SH3BGRL2: variants seen among roughly 807,000 people sequenced by gnomAD.
The protein encoded by SH3BGRL2 is SH3 domain-binding glutamic acid-rich-like protein 2.
In SH3BGRL2, 21 loss-of-function variants were observed where a neutral mutation model predicts 14.8. The ratio of observed to expected loss-of-function variants is 1.42; its 90% CI spans 1.01 to 2.05. The LOEUF (loss-of-function observed/expected upper bound fraction) is 2.05, where lower values mean the gene tolerates loss of function less well. Ranked by LOEUF, SH3BGRL2 falls within the 30% of genes most tolerant of loss-of-function variation. The pLI, the probability that SH3BGRL2 is intolerant of heterozygous loss-of-function variation, is 0.00. For missense variants in SH3BGRL2, 147 were observed against 130.8 expected, an observed-to-expected ratio of 1.12 and a Z score of -0.61; for synonymous variants, 50 against 47.8, an observed-to-expected ratio of 1.05 and a Z score of -0.19.
chr6:79,650,143 C>G (rs1185161785), intron 1 of SH3BGRL2, among the ~76,000 whole-genome samples: 2 of 152,046 alleles, frequency 1.3e-5, no homozygotes, highest in African/African-American at 4.8e-5. Flanking sequence ...AGGCACACTC[C>G]AAGTTGGACA....
At chr6:79,604,287 C>T in the SH3BGRL2 span, among the ~76,000 whole-genome samples, 1 of 152,226 alleles carries the variant, frequency 6.6e-6, no homozygotes, top group Non-Finnish European at 1.5e-5. Context: ...TTTCCCTATT[C>T]CAGTTAAAAT....
At chr6:79,691,160 A>C (rs528475715) in intron 2 of SH3BGRL2, among the ~76,000 whole-genome samples, 2 of 152,048 alleles carry the variant, frequency 1.3e-5, no homozygotes, top group Non-Finnish European at 2.9e-5. Context: ...TCTCAACAAC[A>C]ACAAAAAAGA....
chr6:79,602,441 C>T, the SH3BGRL2 span, among the ~76,000 whole-genome samples: 1 of 152,098 alleles, frequency 6.6e-6, no homozygotes, highest in African/African-American at 2.4e-5. Context: ...AGTATTCCTA[C>T]GAAAGATCTG....
intron 2 of SH3BGRL2, 108 bp downstream of exon 2, chr6:79,673,907 T>A (rs1769829382): frequency 1.8e-6 from 2 of 1,125,918 alleles, no homozygotes; most frequent in African/African-American, 1.6e-5. Flanking sequence ...CTTCACCCAA[T>A]GCCCATTCAG....
chr6:79,649,583 A>T (rs957809032), intron 1 of SH3BGRL2, among the ~76,000 whole-genome samples: 10 of 151,926 alleles, frequency 6.6e-5, no homozygotes, highest in Non-Finnish European at 1.2e-4. Context: ...TCATTATAAT[A>T]CTTACAGACT....
the SH3BGRL2 span, among the ~76,000 whole-genome samples, chr6:79,554,085 C>T: frequency 6.6e-6 from 1 of 152,026 alleles, no homozygotes; most frequent in Non-Finnish European, 1.5e-5. Context: ...ATCTGTGTCA[C>T]CATCTATTTC....
At chr6:79,690,970 G>C (rs1277794042) in intron 2 of SH3BGRL2, among the ~76,000 whole-genome samples, 1 of 152,158 alleles carries the variant, frequency 6.6e-6, no homozygotes, top group Non-Finnish European at 1.5e-5. Flanking sequence ...GAACATAGAT[G>C]AATTTTTTGA....
chr6:79,582,882 C>G, the SH3BGRL2 span, among the ~76,000 whole-genome samples: 1 of 152,080 alleles, frequency 6.6e-6, no homozygotes, highest in Non-Finnish European at 1.5e-5. Flanking sequence ...TTGCAATCTA[C>G]CCATCTGACA....
the SH3BGRL2 span, chr6:79,575,391 C>G: frequency 6.6e-6 from 1 of 152,056 alleles, no homozygotes; most frequent in East Asian, 1.9e-4. Flanking sequence ...TTATTAATAT[C>G]TTTTGTAATT....
chr6:79,566,618 T>C, the SH3BGRL2 span, among the ~76,000 whole-genome samples: 1 of 152,170 alleles, frequency 6.6e-6, no homozygotes, highest in Non-Finnish European at 1.5e-5. Flanking sequence ...CAAAATTATA[T>C]TTTACTCCAT....
intron 2 of SH3BGRL2, among the ~76,000 whole-genome samples, chr6:79,674,655 G>T (rs1769844530): frequency 6.6e-6 from 1 of 152,124 alleles, no homozygotes; most frequent in Non-Finnish European, 1.5e-5. Context: ...AACAGCCTTT[G>T]GTGGCTTCAA....
At chr6:79,667,961 C>T (rs1769693813) in intron 1 of SH3BGRL2, among the ~76,000 whole-genome samples, 1 of 146,126 alleles carries the variant, frequency 6.8e-6, no homozygotes, top group Non-Finnish European at 1.5e-5. Flanking sequence ...AACTTGTTTC[C>T]CATTATTGTT....
chr6:79,562,940 C>G, the SH3BGRL2 span, among the ~76,000 whole-genome samples: 2 of 151,986 alleles, frequency 1.3e-5, no homozygotes, highest in Non-Finnish European at 2.9e-5. Flanking sequence ...CAAGCTTGGT[C>G]TATATTTTTT....
chr6:79,677,491 A>T (rs1196601328), intron 2 of SH3BGRL2, among the ~76,000 whole-genome samples: 3 of 152,178 alleles, frequency 2.0e-5, no homozygotes, highest in East Asian at 3.9e-4. Context: ...TGAGGGGATG[A>T]TGTAGAAATA....
the SH3BGRL2 span, among the ~76,000 whole-genome samples, chr6:79,600,179 C>T: frequency 2.0e-5 from 3 of 152,234 alleles, no homozygotes; most frequent in Admixed American, 6.5e-5. Flanking sequence ...TGTTTCTTTG[C>T]AGTCAGCTCC....
At chr6:79,626,519 G>A (rs1768729371), upstream of SH3BGRL2, among the ~76,000 whole-genome samples, 1 of 152,134 alleles carries the variant, frequency 6.6e-6, no homozygotes, top group African/African-American at 2.4e-5. Flanking sequence ...TCTACTGGAA[G>A]CACTCTCACA....
intron 2 of SH3BGRL2, among the ~76,000 whole-genome samples, chr6:79,683,415 T>C (rs759421314): frequency 7.2e-5 from 11 of 152,150 alleles, no homozygotes; most frequent in Admixed American, 2.6e-4. Flanking sequence ...TGGTTTTTAT[T>C]AGTTGTTTTT....
At chr6:79,678,679 A>G (rs1433709660) in intron 2 of SH3BGRL2, among the ~76,000 whole-genome samples, 1 of 152,140 alleles carries the variant, frequency 6.6e-6, no homozygotes, top group East Asian at 1.9e-4. Flanking sequence ...TTTTAGATAC[A>G]GGGAGTACAT....
the SH3BGRL2 span, among the ~76,000 whole-genome samples, chr6:79,593,367 T>TGA: frequency 5.3e-5 from 8 of 151,752 alleles, no homozygotes; most frequent in African/African-American, 1.9e-4. Flanking sequence ...GTGTCAGGGG[T>TGA]GAGGGACAAG....
Sources: gnomAD v4.1 joint callset for allele counts (sites outside exome capture counted in the v4.1 genomes callset) on GRCh38, gnomAD v4.1.1 for gene constraint, MANE v1.5 for transcripts, NCBI Gene and HGNC (gene_info 2026-07-23, HGNC 2026-07-21) for gene names.